ADCY3: variants seen among roughly 807,000 people sequenced by gnomAD.
ADCY3 encodes adenylate cyclase 3, also known as adenylate cyclase type 3.
Under a neutral mutation model 119.4 loss-of-function variants are expected in ADCY3, and 70 were observed. The ratio of observed to expected loss-of-function variants is 0.59; its 90% CI spans 0.48 to 0.72. The LOEUF is 0.72. ADCY3 is among the 30% of genes least tolerant of loss of function. The pLI is 0.00. For missense variants in ADCY3, 1,238 were observed against 1,541.6 expected (o/e 0.80, Z 3.30); for synonymous variants, 672 against 621.4 (o/e 1.08, Z -1.21).
At chr2:24,866,059 A>G (rs1674244298) in intron 3 of ADCY3, among the ~76,000 whole-genome samples, 1 of 152,164 alleles carries the variant, frequency 6.6e-6, no homozygotes, top group Non-Finnish European at 1.5e-5. Context: ...ATTACCCTTT[A>G]GTATTTGCAT....
intron 2 of ADCY3, among the ~76,000 whole-genome samples, chr2:24,901,913 AAAAC>A (rs57243824): frequency 0.11 from 16,971 of 151,980 alleles, 2,978 homozygotes; most frequent in African/African-American, 0.38. Flanking sequence ...GTTTTCAATT[AAAAC>A]AAACTATTTA....
rs1553335368 is a variant in ADCY3 at position 24,829,022 on chromosome 2, C to CCTTTCT, written c.2173-862_2173-861insAGAAAG. On this transcript the variant is annotated intron_variant, in intron 13 of 21. Coordinates refer to ENST00000679454, the MANE Select transcript of ADCY3 (RefSeq NM_004036.5). The stretch of plus-strand genomic sequence containing the variant: ...TCCCAGTAGACTTATTCTTTTTTTT[C>CCTTTCT]TTTTTTTTTTTTGAGATGGAGTCTC... Among the ~76,000 whole-genome samples the CCTTTCT allele has an allele frequency of 2.8e-5, 4 of 144,546 alleles. No individual in the cohort carries two copies. In the South Asian group the frequency reaches 6.4e-4, roughly 23 times the overall value. The allele number at this position is 144,546 out of a possible 152,430, so 94.8% of individuals were successfully genotyped here. A position where few individuals can be genotyped will look rare whatever the true frequency, so the allele number is the denominator to read the frequency against.
chr2:24,828,227 C>T (rs1207178966), intron 13 of ADCY3, 66 bp from the exon 14 acceptor site: 3 of 1,586,364 alleles, frequency 1.9e-6, no homozygotes, highest in Non-Finnish European at 2.6e-6. Flanking sequence ...TCACAGAGGG[C>T]TGTGCATGGT....
chr2:24,837,697 G>A (rs1670477729), intron 8 of ADCY3, among the ~76,000 whole-genome samples: 1 of 152,176 alleles, frequency 6.6e-6, no homozygotes, highest in Non-Finnish European at 1.5e-5. Flanking sequence ...TCCAGATTCA[G>A]CAGGGGATGG....
At position 24,830,769 on chromosome 2, in the gene ADCY3, G is replaced by T. The variant is rs2148465122; in HGVS notation, c.2112C>A (p.Ala704=). The T allele has an allele frequency of 6.2e-7, 1 of 1,614,138 alleles. No homozygotes were observed. Among genetic ancestry groups the T allele is most frequent in the South Asian group, 1.1e-5 (1 of 91,078 alleles). ...FSTWIDRTRW[A]RNTWAMLAIF... ...TGGCGAGCATGGCCCAGGTGTTCCT[G>T]GCCCAGCGGGTCCGGTCAATCCAAG... is the stretch of plus-strand genomic sequence containing the variant. Residue 704 remains alanine, a synonymous_variant, in exon 13 of 22, where the codon GCC becomes GCA. Transcript: ENST00000679454.
chr2:24,860,557 G>A (rs937333415), intron 3 of ADCY3, among the ~76,000 whole-genome samples: 1 of 152,170 alleles, frequency 6.6e-6, no homozygotes, highest in African/African-American at 2.4e-5. Flanking sequence ...TGGAGCCAGG[G>A]AGGTTAAAGC....
At chr2:24,879,801 G>A (rs1676172151) in intron 2 of ADCY3, among the ~76,000 whole-genome samples, 1 of 151,972 alleles carries the variant, frequency 6.6e-6, no homozygotes, top group Non-Finnish European at 1.5e-5. Context: ...CACCTTAGCT[G>A]AACTGTGATG....
At chr2:24,855,469 G>A (rs1672888257) in intron 3 of ADCY3, among the ~76,000 whole-genome samples, 1 of 152,218 alleles carries the variant, frequency 6.6e-6, no homozygotes, top group African/African-American at 2.4e-5. Context: ...GACCGGAGGA[G>A]GGGGATGTGG....
intron 19 of ADCY3, 36 bp downstream of exon 19, chr2:24,822,475 C>A: frequency 6.2e-7 from 1 of 1,606,342 alleles, no homozygotes; most frequent in South Asian, 1.1e-5. Flanking sequence ...GCCTTGGGGG[C>A]AGAGCCTCAT....
intron 2 of ADCY3, among the ~76,000 whole-genome samples, chr2:24,917,395 G>A (rs936429914): frequency 6.6e-6 from 1 of 152,206 alleles, no homozygotes; most frequent in Admixed American, 6.5e-5. Context: ...TCATTGGCAC[G>A]AGGCTGGCAG....
At chr2:24,885,614 G>T (rs192370567) in intron 2 of ADCY3, among the ~76,000 whole-genome samples, 3 of 152,224 alleles carry the variant, frequency 2.0e-5, no homozygotes, top group Admixed American at 2.0e-4. Context: ...CCTCACTCTT[G>T]CTGCCACCAC....
intron 2 of ADCY3, among the ~76,000 whole-genome samples, chr2:24,886,221 T>C (rs775075206): frequency 7.2e-5 from 11 of 152,138 alleles, no homozygotes; most frequent in Admixed American, 3.9e-4. Flanking sequence ...AAGGAATGAA[T>C]ACATGGAGGA....
Position 24,831,752 on chromosome 2 carries a change from G to A in ADCY3, c.1968-3C>T, listed in dbSNP as rs746560059. ...AGGTCACATAGTTTGTCATTAGCCT[G>A]TGACAGAGAGAAGACAATTGGGAGA... On this transcript the variant is annotated splice_polypyrimidine_tract_variant and splice_region_variant and intron_variant, in intron 11 of 21. Transcript: ENST00000679454. The A allele has an allele frequency of 6.3e-7, 1 of 1,596,636 alleles. No individual in the cohort carries two copies. The highest frequency in any genetic ancestry group is 8.6e-7 in the Non-Finnish European group (1 of 1,169,094).
chr2:24,912,815 T>C (rs921431104), intron 2 of ADCY3, among the ~76,000 whole-genome samples: 1 of 152,092 alleles, frequency 6.6e-6, no homozygotes, highest in Non-Finnish European at 1.5e-5. Flanking sequence ...TGCATATGCA[T>C]GATGATGACA....
chr2:24,838,362 A>G (rs1008455377), intron 8 of ADCY3, 83 bp downstream of exon 8: 1 of 1,369,000 alleles, frequency 7.3e-7, no homozygotes, highest in East Asian at 2.6e-5. Flanking sequence ...CTCTTCTGCA[A>G]TCTTTCCTTA....
intron 2 of ADCY3, among the ~76,000 whole-genome samples, chr2:24,885,266 C>A (rs1350906595): frequency 2.6e-5 from 4 of 152,218 alleles, no homozygotes; most frequent in African/African-American, 9.6e-5. Context: ...CAGGCAGAGT[C>A]CACAAAAGTG....
intron 20 of ADCY3, 62 bp downstream of exon 20, chr2:24,821,455 T>C: frequency 6.3e-7 from 1 of 1,592,240 alleles, no homozygotes; most frequent in South Asian, 1.1e-5. Flanking sequence ...CTCCTGGTGG[T>C]GGGCCAGGCC....
rs562036911 is a variant in ADCY3 at position 24,887,634 on chromosome 2, G to A, written c.676-14915C>T. Reference sequence around the variant, plus strand: ...CACGTGTCCCAGCCCACTCCCCCCCGACACACACACCTCCTCTCGGTGAGG... The same window carrying A: ...CACGTGTCCCAGCCCACTCCCCCCCAACACACACACCTCCTCTCGGTGAGG... On this transcript the variant is annotated intron_variant, in intron 2 of 21. Transcript: ENST00000679454. 2.0e-3 allele frequency among the ~76,000 whole-genome samples: 305 copies of A among 151,726 alleles called. 2 individuals carry two copies. Among genetic ancestry groups the A allele is most frequent in the Middle Eastern group, 0.014 (4 of 294 alleles).
At chr2:24,831,374 G>A (rs1436983490) in intron 12 of ADCY3, among the ~76,000 whole-genome samples, 1 of 152,120 alleles carries the variant, frequency 6.6e-6, no homozygotes, top group Non-Finnish European at 1.5e-5. Flanking sequence ...CCAGGTTCTT[G>A]TTTACCCAGA....
Sources: allele counts gnomAD v4.1 joint callset (sites outside exome capture counted in the v4.1 genomes callset), GRCh38; gene constraint gnomAD v4.1.1; transcripts MANE v1.5; gene names NCBI Gene and HGNC (gene_info 2026-07-23, HGNC 2026-07-21).